PRUNE2: variants seen among roughly 807,000 people sequenced by gnomAD.
PRUNE2 encodes the protein prune homolog 2 with BCH domain.
Under a neutral mutation model 252.0 loss-of-function variants are expected in PRUNE2, and 164 were observed. That is an observed-to-expected ratio of 0.65 (90% CI 0.57 to 0.74). The LOEUF (loss-of-function observed/expected upper bound fraction) is 0.74, where lower values mean the gene tolerates loss of function less well. Ranked by LOEUF, PRUNE2 falls within the 30% of genes least tolerant of loss-of-function variation. The probability of loss-of-function intolerance (pLI) is 0.00; values close to 1 mark genes in which losing one functional copy is unlikely to be tolerated. For synonymous variants in PRUNE2, 1,292 were observed against 1,350.2 expected (o/e 0.96, Z 0.94); for missense variants, 3,495 against 3,711.0 (o/e 0.94, Z 1.51).
intron 6 of PRUNE2, among the ~76,000 whole-genome samples, chr9:76,772,017 G>A (rs769111760): frequency 2.0e-5 from 3 of 152,312 alleles, no homozygotes; most frequent in African/African-American, 4.8e-5. Context: ...TACGAAGTCC[G>A]AGAGCAGAGT....
chr9:76,785,402 G>A (rs2054874655), intron 6 of PRUNE2: 1 of 152,178 alleles, frequency 6.6e-6, no homozygotes, highest in Non-Finnish European at 1.5e-5. Context: ...TGTTTATGGG[G>A]CACGTTTGTA....
At position 76,846,526 on chromosome 9, in the gene PRUNE2, T is replaced by C. The variant is rs749295975; in HGVS notation, c.497A>G (p.His166Arg). 1.2e-6 allele frequency: 2 copies of C among 1,613,596 alleles called. No individual in the cohort carries two copies. Among genetic ancestry groups the C allele is most frequent in the South Asian group, 2.2e-5 (2 of 91,034 alleles). ...GAGCCATCTCTCACCTCTGAGGCGA[T>C]GAGCCAGTTGCTCGGTGATGAGCTC... The part of the protein sequence containing the change: ...APELITEQLA[H>R]RLRGSILFKW... The change falls in exon 4 of 19, where the codon CAT (histidine) becomes CGT (arginine). Residue 166 changes from histidine to arginine, a missense_variant. Coordinates refer to ENST00000376718, the MANE Select transcript of PRUNE2 (RefSeq NM_015225.3).
chr9:76,684,304 C>G (rs2043828994), intron 9 of PRUNE2, among the ~76,000 whole-genome samples: 1 of 152,156 alleles, frequency 6.6e-6, no homozygotes, highest in South Asian at 2.1e-4. Context: ...TCTGAGGCTA[C>G]TTTTTGAAAA....
Position 76,653,782 on chromosome 9 carries a change from C to A in PRUNE2, c.8357-1099G>T, listed in dbSNP as rs560141883. ...GAACTCACCCAAGCAGTCACCAGCTCTTATGCCAATCTCGCTTGACATTGG... is the reference window on the plus strand; with the variant it reads ...GAACTCACCCAAGCAGTCACCAGCTATTATGCCAATCTCGCTTGACATTGG... On this transcript the variant is annotated intron_variant, in intron 10 of 18. Coordinates refer to ENST00000376718, the MANE Select transcript of PRUNE2 (RefSeq NM_015225.3). Among the ~76,000 whole-genome samples, 20 of 152,242 alleles carry A rather than the reference C, an allele frequency of 1.3e-4. No individual in the cohort carries two copies. The East Asian group carries it at 3.9e-3, about 29-fold the overall frequency.
At chr9:76,643,477 T>C (rs574859285) in intron 12 of PRUNE2, among the ~76,000 whole-genome samples, 1 of 152,302 alleles carries the variant, frequency 6.6e-6, no homozygotes, top group East Asian at 1.9e-4. Flanking sequence ...GTGTTCCTCT[T>C]ATGGTTTTCA....
intron 6 of PRUNE2, among the ~76,000 whole-genome samples, chr9:76,722,972 C>T (rs771938760): frequency 1.3e-5 from 2 of 152,190 alleles, no homozygotes; most frequent in Non-Finnish European, 2.9e-5. Flanking sequence ...GGTGTTGGTT[C>T]TCTCTTGTCA....
intron 6 of PRUNE2, among the ~76,000 whole-genome samples, chr9:76,742,636 A>G (rs754420661): frequency 1.3e-5 from 2 of 152,082 alleles, no homozygotes; most frequent in Non-Finnish European, 2.9e-5. Flanking sequence ...AGAAAGAAAG[A>G]AAAGAAAAAG....
chr9:76,707,421 G>A lies in PRUNE2; in HGVS notation c.4853C>T (p.Thr1618Ile). ...ATTCCAGATCTCTAAAAATGTAGGA[G>A]TTTTGCGATCAAAGCTCTTTTCAAA... ...NEFEKSFDRK[T>I]PTFLEIWNDS... Residue 1618 changes from threonine to isoleucine, a missense_variant, in exon 8 of 19, where the codon ACT becomes ATT. Thr to Ile is a moderately conservative substitution (Grantham distance 89). Transcript: ENST00000376718. 6.2e-7 allele frequency: 1 copy of A among 1,613,938 alleles called. No individual in the cohort carries two copies. The highest frequency in any genetic ancestry group is 8.5e-7 in the Non-Finnish European group (1 of 1,179,826).
intron 15 of PRUNE2, among the ~76,000 whole-genome samples, chr9:76,633,295 C>T (rs1199345547): frequency 1.3e-5 from 2 of 150,926 alleles, no homozygotes; most frequent in Non-Finnish European, 3.0e-5. Flanking sequence ...AAAGTTTCAT[C>T]AGAGGCCAGG....
At chr9:76,895,642 G>C (rs1299301588) in intron 1 of PRUNE2, among the ~76,000 whole-genome samples, 1 of 151,896 alleles carries the variant, frequency 6.6e-6, no homozygotes, top group African/African-American at 2.4e-5. Flanking sequence ...GATTCTTTAG[G>C]GTCATTACTA....
rs2046240344 is a variant in PRUNE2 at position 76,705,406 on chromosome 9, T to C, written c.6868A>G (p.Thr2290Ala). 1.9e-6 allele frequency: 3 copies of C among 1,613,834 alleles called. No homozygotes were observed. The highest frequency in any genetic ancestry group is 1.3e-5 in the African/African-American group (1 of 74,918). Residue 2290 changes from threonine to alanine, a missense_variant, in exon 8 of 19, where the codon ACT (threonine) becomes GCT (alanine). Thr to Ala is a moderately conservative substitution (Grantham distance 58, BLOSUM62 0). Transcript: ENST00000376718. ...LVPDALLASDTCLDISEAAFD... is the reference protein window; with the variant it reads ...LVPDALLASDACLDISEAAFD... ...GCAGCTTCGCTTATATCCAGACAAGTGTCTGAGGCTAGCAAAGCATCAGGA... is the reference window on the plus strand; with the variant it reads ...GCAGCTTCGCTTATATCCAGACAAGCGTCTGAGGCTAGCAAAGCATCAGGA...
At chr9:76,670,451 G>A (rs2041151847) in intron 9 of PRUNE2, among the ~76,000 whole-genome samples, 1 of 151,908 alleles carries the variant, frequency 6.6e-6, no homozygotes, top group South Asian at 2.1e-4. Context: ...AGATCAAACT[G>A]CAAGGCGGCA....
At chr9:76,813,355 AAAAT>A (rs1458952423) in intron 6 of PRUNE2, among the ~76,000 whole-genome samples, 1 of 152,228 alleles carries the variant, frequency 6.6e-6, no homozygotes, top group Non-Finnish European at 1.5e-5. Context: ...TGCAAAGCCT[AAAAT>A]ATCTACTATC....
intron 6 of PRUNE2, among the ~76,000 whole-genome samples, chr9:76,801,941 C>T (rs2056587428): frequency 6.6e-6 from 1 of 152,060 alleles, no homozygotes; most frequent in African/African-American, 2.4e-5. Context: ...TATAAGGTGA[C>T]AAATTAACCA....
intron 6 of PRUNE2, among the ~76,000 whole-genome samples, chr9:76,725,713 C>T (rs1462401777): frequency 6.6e-6 from 1 of 152,166 alleles, no homozygotes. Context: ...CATGCAGAGC[C>T]AGCAGTCTGT....
At chr9:76,745,742 T>G (rs2135637894) in intron 6 of PRUNE2, among the ~76,000 whole-genome samples, 1 of 152,356 alleles carries the variant, frequency 6.6e-6, no homozygotes, top group East Asian at 1.9e-4. Flanking sequence ...TCTATTGTAG[T>G]TCCCCTGCTT....
rs1046184896 is a variant in PRUNE2, at chr9:76,704,746, T to C, written c.7513+15A>G. 1.3e-6 allele frequency: 2 copies of C among 1,485,210 alleles called. No homozygotes were observed. The highest frequency in any genetic ancestry group is 1.8e-4 in the Middle Eastern group (1 of 5,412). 92.0% of individuals were successfully genotyped at this position (1,485,210 alleles called of 1,614,324 possible). ...CAGCAGTTTCTTGGAAGTGGAAGAA[T>C]GGAATGTTTCTTACCATTTGGTGGT... On this transcript the variant is annotated intron_variant, in intron 8 of 18. Coordinates refer to ENST00000376718, the MANE Select transcript of PRUNE2 (RefSeq NM_015225.3).
intron 12 of PRUNE2, 195 bp downstream of exon 12, chr9:76,644,544 T>C: frequency 4.3e-6 from 3 of 696,418 alleles, no homozygotes; most frequent in Non-Finnish European, 7.8e-6. Flanking sequence ...GAAAGTTGTC[T>C]TTGCCTAGTA....
At chr9:76,639,965 G>C (rs1841861296) in intron 12 of PRUNE2, among the ~76,000 whole-genome samples, 1 of 152,174 alleles carries the variant, frequency 6.6e-6, no homozygotes, top group African/African-American at 2.4e-5. Context: ...CTCACAGCAG[G>C]TGTCAGTCAG....
Sources: allele counts gnomAD v4.1 joint callset (sites outside exome capture counted in the v4.1 genomes callset), GRCh38; gene constraint gnomAD v4.1.1; transcripts MANE v1.5; gene names NCBI Gene and HGNC (gene_info 2026-07-23, HGNC 2026-07-21).